KLF12: variants seen among roughly 807,000 people sequenced by gnomAD.
KLF12 encodes KLF transcription factor 12.
A neutral mutation model predicts 37.8 loss-of-function variants in KLF12; 9 were observed. The observed-to-expected ratio is 0.24, with a 90% confidence interval of 0.14 to 0.42. KLF12 has a LOEUF of 0.42. KLF12 is among the 10% of genes least tolerant of loss of function. The probability of loss-of-function intolerance (pLI) is 1.00; values close to 1 mark genes in which losing one functional copy is unlikely to be tolerated. For synonymous variants in KLF12, 208 were observed against 202.1 expected, an observed-to-expected ratio of 1.03 and a Z score of -0.25; for missense variants, 411 against 516.0, an observed-to-expected ratio of 0.80 and a Z score of 1.97.
At chr13:73,828,753 G>A (rs1211320080) in intron 4 of KLF12, among the ~76,000 whole-genome samples, 1 of 152,112 alleles carries the variant, frequency 6.6e-6, no homozygotes, top group Non-Finnish European at 1.5e-5. Flanking sequence ...TGGCACAGAA[G>A]GTCTGTGATA....
chr13:74,045,988 T>C (rs963511404), intron 1 of KLF12, among the ~76,000 whole-genome samples: 2 of 152,224 alleles, frequency 1.3e-5, no homozygotes, highest in Non-Finnish European at 1.5e-5. Flanking sequence ...TTAGAAGTGT[T>C]TTGTTCCTTA....
intron 3 of KLF12, among the ~76,000 whole-genome samples, chr13:73,901,256 A>T (rs564190186): frequency 6.6e-6 from 1 of 152,286 alleles, no homozygotes; most frequent in South Asian, 2.1e-4. Context: ...GCTGGGCTAA[A>T]CAAATCAGTC....
upstream of KLF12, among the ~76,000 whole-genome samples, chr13:74,135,129 G>A (rs916267205): frequency 1.2e-4 from 18 of 151,892 alleles, no homozygotes; most frequent in African/African-American, 4.3e-4. Context: ...GACGCACGTT[G>A]CGGGCGAAGC....
chr13:73,928,949 A>G (rs2139271766), intron 3 of KLF12, among the ~76,000 whole-genome samples: 1 of 152,300 alleles, frequency 6.6e-6, no homozygotes, highest in South Asian at 2.1e-4. Context: ...CTTATTGAAA[A>G]TTCAATATTA....
At chr13:74,219,858 G>A in the KLF12 span, among the ~76,000 whole-genome samples, 1 of 152,080 alleles carries the variant, frequency 6.6e-6, no homozygotes, top group Non-Finnish European at 1.5e-5. Flanking sequence ...AAACTTCTTT[G>A]CCTTTGGTTT....
chr13:73,734,237 C>T (rs1264893191), intron 6 of KLF12, among the ~76,000 whole-genome samples: 1 of 152,084 alleles, frequency 6.6e-6, no homozygotes, highest in African/African-American at 2.4e-5. Flanking sequence ...ATTCCTAGCA[C>T]CCAATCTAGA....
chr13:73,954,696 A>C (rs1890774310), intron 2 of KLF12, among the ~76,000 whole-genome samples: 1 of 152,226 alleles, frequency 6.6e-6, no homozygotes, highest in African/African-American at 2.4e-5. Flanking sequence ...GAAGAAAGAT[A>C]TCTTGCATTT....
intron 7 of KLF12, among the ~76,000 whole-genome samples, chr13:73,708,311 G>C (rs577026456): frequency 1.3e-4 from 20 of 152,096 alleles, no homozygotes; most frequent in Non-Finnish European, 2.6e-4. Context: ...ATTTATCAGA[G>C]AACAGTATGT....
Position 73,686,831 on chromosome 13 carries a change from G to A in KLF12, c.*8659C>T, listed in dbSNP as rs929555767. 2.6e-5 allele frequency: 4 copies of A among 152,136 alleles called. No individual in the cohort carries two copies. The highest frequency in any genetic ancestry group is 9.7e-5 in the African/African-American group (4 of 41,418). 9.4% of individuals were successfully genotyped at this position (152,136 alleles called of 1,614,324 possible). A position where few individuals can be genotyped will look rare whatever the true frequency, so the allele number is the denominator to read the frequency against. On this transcript the variant is annotated 3_prime_UTR_variant, in exon 8 of 8. Coordinates refer to ENST00000377669, the MANE Select transcript of KLF12 (RefSeq NM_007249.5). ...AAGGATGTTTCTGTATTTTCACACG[G>A]ACAGATCTCGTGATCCAATCACCAC... is the stretch of plus-strand genomic sequence containing the variant.
chr13:73,875,130 C>T (rs1352931239), intron 3 of KLF12, among the ~76,000 whole-genome samples: 2 of 137,330 alleles, frequency 1.5e-5, no homozygotes, highest in African/African-American at 5.5e-5. Flanking sequence ...CCAATCAATA[C>T]TAAAAAAAAA....
At chr13:73,958,401 C>CTTGG (rs1890913773) in intron 2 of KLF12, among the ~76,000 whole-genome samples, 2 of 151,954 alleles carry the variant, frequency 1.3e-5, no homozygotes, top group Non-Finnish European at 2.9e-5. Flanking sequence ...CACCACCATG[C>CTTGG]CTGGCTAATT....
intron 1 of KLF12, among the ~76,000 whole-genome samples, chr13:74,003,816 G>A (rs751076090): frequency 2.4e-4 from 37 of 152,136 alleles, no homozygotes; most frequent in Non-Finnish European, 2.6e-4. Context: ...AATAAGTTAT[G>A]TAAGTTTCAC....
intron 3 of KLF12, among the ~76,000 whole-genome samples, chr13:73,877,278 T>C (rs1176091897): frequency 6.6e-6 from 1 of 152,220 alleles, no homozygotes; most frequent in African/African-American, 2.4e-5. Context: ...AATCAGACCG[T>C]ATTAATAGTA....
chr13:74,116,562 T>C (rs572598976), intron 1 of KLF12, among the ~76,000 whole-genome samples: 1 of 152,170 alleles, frequency 6.6e-6, no homozygotes, highest in Non-Finnish European at 1.5e-5. Flanking sequence ...TGAGAATAAG[T>C]TGATTCCCAT....
chr13:74,158,356 C>A, the KLF12 span, among the ~76,000 whole-genome samples: 1 of 152,198 alleles, frequency 6.6e-6, no homozygotes, highest in Admixed American at 6.5e-5. Flanking sequence ...TTGGAGCAAT[C>A]TGCCGCCAGG....
At position 74,089,294 on chromosome 13, in the gene KLF12, T is replaced by C. The variant is rs146249032; in HGVS notation, c.-32+44445A>G. Among the ~76,000 whole-genome samples, 8 of 152,268 alleles carry C rather than the reference T, an allele frequency of 5.3e-5. No homozygotes were observed. In the East Asian group the frequency reaches 1.5e-3, roughly 29 times the overall value. On this transcript the variant is annotated intron_variant, in intron 1 of 7. Transcript: ENST00000377669. The stretch of plus-strand genomic sequence containing the variant: ...TCATGAATATAGTAGATTCATTCCA[T>C]TTTTAAAACAGGTATTACTGTGTTC...
At chr13:74,123,756 G>A (rs76031829) in intron 1 of KLF12, among the ~76,000 whole-genome samples, 1,586 of 152,268 alleles carry the variant, frequency 0.01, 25 homozygotes, top group African/African-American at 0.036. Flanking sequence ...TATGTAATGT[G>A]GACTTGCAAA....
chr13:74,211,743 G>A, the KLF12 span, among the ~76,000 whole-genome samples: 1 of 152,154 alleles, frequency 6.6e-6, no homozygotes, highest in Non-Finnish European at 1.5e-5. Context: ...CAGTAGGAGA[G>A]GCAGATATGT....
intron 1 of KLF12, among the ~76,000 whole-genome samples, chr13:74,122,679 T>C (rs1173188186): frequency 6.6e-6 from 1 of 152,026 alleles, no homozygotes; most frequent in Non-Finnish European, 1.5e-5. Context: ...TAACCACTCC[T>C]TGGAATACAA....
Sources: allele counts gnomAD v4.1 joint callset (sites outside exome capture counted in the v4.1 genomes callset), GRCh38; gene constraint gnomAD v4.1.1; transcripts MANE v1.5; gene names NCBI Gene and HGNC (gene_info 2026-07-23, HGNC 2026-07-21).